Variants in GRM7 observed in about 807,000 individuals in gnomAD.
The protein encoded by GRM7 is glutamate metabotropic receptor 7.
A neutral mutation model predicts 84.5 loss-of-function variants in GRM7; 35 were observed. That is an observed-to-expected ratio of 0.41 (90% CI 0.32 to 0.55). GRM7 has a LOEUF of 0.55. Ranked by LOEUF, GRM7 falls within the 20% of genes least tolerant of loss-of-function variation. The pLI is 0.19. For synonymous variants in GRM7, 487 were observed against 455.1 expected (o/e 1.07, Z -0.89); for missense variants, 1,003 against 1,194.6 (o/e 0.84, Z 2.36).
At chr3:6,931,257 G>C (rs1407958932) in intron 1 of GRM7, among the ~76,000 whole-genome samples, 1 of 152,138 alleles carries the variant, frequency 6.6e-6, no homozygotes, top group African/African-American at 2.4e-5. Flanking sequence ...TTCAGAACAT[G>C]TCAAGGCTTT....
intron 5 of GRM7, among the ~76,000 whole-genome samples, chr3:7,416,278 A>T (rs1399866666): frequency 2.0e-5 from 3 of 152,118 alleles, no homozygotes; most frequent in Non-Finnish European, 2.9e-5. Context: ...ACACAAGCGG[A>T]TGACATGATC....
intron 2 of GRM7, among the ~76,000 whole-genome samples, chr3:7,254,432 A>T (rs887924246): frequency 3.9e-5 from 6 of 152,336 alleles, no homozygotes; most frequent in Admixed American, 2.0e-4. Flanking sequence ...AGCATTCAGT[A>T]AACATTTGTT....
intron 1 of GRM7, among the ~76,000 whole-genome samples, chr3:6,940,576 G>T (rs1335377598): frequency 6.6e-6 from 1 of 150,432 alleles, no homozygotes; most frequent in Non-Finnish European, 1.5e-5. Flanking sequence ...AAATTTACAA[G>T]TTCATTTTTT....
intron 1 of GRM7, among the ~76,000 whole-genome samples, chr3:7,131,485 AT>A (rs1331962527): frequency 1.3e-5 from 2 of 151,812 alleles, no homozygotes; most frequent in Non-Finnish European, 2.9e-5. Context: ...ATTTTATTTT[AT>A]TTTTTATTTT....
chr3:6,929,226 A>G (rs1325807290), intron 1 of GRM7, among the ~76,000 whole-genome samples: 2 of 152,152 alleles, frequency 1.3e-5, no homozygotes, highest in Non-Finnish European at 2.9e-5. Flanking sequence ...AAGAGGGCGC[A>G]TATTCATTTT....
At chr3:7,628,670 A>G (rs1697729055) in intron 8 of GRM7, among the ~76,000 whole-genome samples, 1 of 152,196 alleles carries the variant, frequency 6.6e-6, no homozygotes, top group South Asian at 2.1e-4. Context: ...AAGCCTTCCT[A>G]GATGAGGAGG....
rs1553617438 is a variant in GRM7, at chr3:7,103,816, T to TTCTTTCTCTCTC, written c.520-42633_520-42632insTTCTCTCTCTCT. ...TTTCTTTCTTTCTTTCTTTCTTTCT[T>TTCTTTCTCTCTC]TCTCTCTCTCTCTGTCTCTCTCTCC... On this transcript the variant is annotated intron_variant, in intron 1 of 9. Coordinates refer to ENST00000357716, the MANE Select transcript of GRM7 (RefSeq NM_000844.4). 9.6e-3 allele frequency among the ~76,000 whole-genome samples: 857 copies of TTCTTTCTCTCTC among 89,100 alleles called. 56 individuals carry two copies. The highest frequency in any genetic ancestry group is 0.031 in the African/African-American group (635 of 20,762). The allele number at this position is 89,100 out of a possible 152,430, so 58.5% of individuals were successfully genotyped here. A position where few individuals can be genotyped will look rare whatever the true frequency, so the allele number is the denominator to read the frequency against.
At chr3:7,627,136 C>T (rs1697652674) in intron 8 of GRM7, among the ~76,000 whole-genome samples, 1 of 151,996 alleles carries the variant, frequency 6.6e-6, no homozygotes, top group African/African-American at 2.4e-5. Context: ...TGGTGCAAAC[C>T]AAATAAAATG....
At chr3:7,035,116 C>T (rs1696338961) in intron 1 of GRM7, among the ~76,000 whole-genome samples, 1 of 152,070 alleles carries the variant, frequency 6.6e-6, no homozygotes, top group South Asian at 2.1e-4. Context: ...GCTGCACCCC[C>T]AAGAGCACTG....
chr3:7,192,606 C>T (rs899421952), intron 2 of GRM7, among the ~76,000 whole-genome samples: 2 of 152,104 alleles, frequency 1.3e-5, no homozygotes, highest in African/African-American at 2.4e-5. Context: ...TGGCCATTGA[C>T]GCTCTTCTCT....
chr3:7,481,839 G>T (rs553513905), intron 7 of GRM7, among the ~76,000 whole-genome samples: 1 of 152,336 alleles, frequency 6.6e-6, no homozygotes, highest in East Asian at 1.9e-4. Context: ...GTGCACTGCA[G>T]AAAGCATAGA....
At chr3:7,434,342 A>G (rs1696954303) in intron 5 of GRM7, among the ~76,000 whole-genome samples, 1 of 152,208 alleles carries the variant, frequency 6.6e-6, no homozygotes, top group Non-Finnish European at 1.5e-5. Context: ...AGTAGAAGTA[A>G]TAATGGGAGT....
At chr3:7,628,677 G>A (rs1281554070) in intron 8 of GRM7, among the ~76,000 whole-genome samples, 1 of 152,110 alleles carries the variant, frequency 6.6e-6, no homozygotes, top group Non-Finnish European at 1.5e-5. Flanking sequence ...CCTAGATGAG[G>A]AGGCATTTGA....
At chr3:6,995,695 A>G (rs1056593446) in intron 1 of GRM7, among the ~76,000 whole-genome samples, 1 of 152,230 alleles carries the variant, frequency 6.6e-6, no homozygotes, top group Non-Finnish European at 1.5e-5. Flanking sequence ...GCTATTTTTA[A>G]AGCAGGCTGA....
intron 5 of GRM7, among the ~76,000 whole-genome samples, chr3:7,445,709 A>G (rs1365228564): frequency 6.6e-6 from 1 of 152,238 alleles, no homozygotes; most frequent in African/African-American, 2.4e-5. Flanking sequence ...GATGCACCAA[A>G]GTCAACTTCA....
intron 4 of GRM7, among the ~76,000 whole-genome samples, chr3:7,313,592 T>C (rs1419020524): frequency 6.6e-6 from 1 of 152,136 alleles, no homozygotes; most frequent in Admixed American, 6.6e-5. Flanking sequence ...GTTGAATAAA[T>C]GGGCCTTACA....
chr3:7,357,786 T>C (rs1693476187), intron 4 of GRM7, among the ~76,000 whole-genome samples: 1 of 152,040 alleles, frequency 6.6e-6, no homozygotes, highest in African/African-American at 2.4e-5. Context: ...CCACTATAAT[T>C]TTCTTCAAAA....
At chr3:6,938,191 A>G (rs1697755644) in intron 1 of GRM7, among the ~76,000 whole-genome samples, 1 of 152,200 alleles carries the variant, frequency 6.6e-6, no homozygotes, top group Admixed American at 6.5e-5. Flanking sequence ...GTTCCCCTTC[A>G]TTCACCATTT....
chr3:7,150,676 A>G (rs1222557330), intron 2 of GRM7, among the ~76,000 whole-genome samples: 1 of 152,358 alleles, frequency 6.6e-6, no homozygotes, highest in East Asian at 1.9e-4. Flanking sequence ...AATAGCAACA[A>G]AGGCAATTTA....
Sources: allele counts gnomAD v4.1 joint callset (sites outside exome capture counted in the v4.1 genomes callset), GRCh38; gene constraint gnomAD v4.1.1; transcripts MANE v1.5; gene names NCBI Gene and HGNC (gene_info 2026-07-23, HGNC 2026-07-21).